The following SMYD3 variants were observed in gnomAD, a reference collection of about 807,000 sequenced individuals.
SMYD3 encodes the protein SET and MYND domain containing 3.
SMYD3 carries 36 observed loss-of-function variants against 57.7 expected under a neutral mutation model. The ratio of observed to expected loss-of-function variants is 0.62; its 90% CI spans 0.48 to 0.82. SMYD3 has a LOEUF of 0.82. SMYD3 is among the 40% of genes least tolerant of loss of function. The probability of loss-of-function intolerance (pLI) is 0.00; values close to 1 mark genes in which losing one functional copy is unlikely to be tolerated. For missense variants in SMYD3, 515 were observed against 538.8 expected, an observed-to-expected ratio of 0.96 and a Z score of 0.44; for synonymous variants, 211 against 195.0, an observed-to-expected ratio of 1.08 and a Z score of -0.68.
chr1:245,816,795 C>T (rs199580577), intron 10 of SMYD3, among the ~76,000 whole-genome samples: 9 of 152,108 alleles, frequency 5.9e-5, no homozygotes, highest in Non-Finnish European at 1.0e-4. Flanking sequence ...ACGGACGCAC[C>T]TGGAAAATCG....
rs141343783 is a variant in SMYD3, at chr1:245,856,488, G to A, written c.1076+2008C>T. ...AAACACCATGTAAATATAACCAAACGTTTCCCAAACATAATGGACTGTATT... is the reference window on the plus strand; with the variant it reads ...AAACACCATGTAAATATAACCAAACATTTCCCAAACATAATGGACTGTATT... On this transcript the variant is annotated intron_variant, in intron 10 of 11. Coordinates refer to ENST00000490107, the MANE Select transcript of SMYD3 (RefSeq NM_001167740.2). 2.9e-3 allele frequency among the ~76,000 whole-genome samples: 442 copies of A among 152,244 alleles called. 2 individuals carry two copies. Among genetic ancestry groups the A allele is most frequent in the African/African-American group, 0.01 (418 of 41,550 alleles).
At chr1:246,475,114 C>T (rs778810174) in intron 1 of SMYD3, among the ~76,000 whole-genome samples, 3 of 151,882 alleles carry the variant, frequency 2.0e-5, no homozygotes, top group Non-Finnish European at 2.9e-5. Flanking sequence ...GCCAGGAGTT[C>T]GTGACCACCC....
intron 1 of SMYD3, among the ~76,000 whole-genome samples, chr1:246,393,576 T>A (rs2066605490): frequency 6.7e-6 from 1 of 149,100 alleles, no homozygotes; most frequent in South Asian, 2.1e-4. Context: ...TAGTGGCTCA[T>A]ACCTATAATC....
At chr1:246,029,533 G>A (rs919968077) in intron 5 of SMYD3, among the ~76,000 whole-genome samples, 12 of 151,706 alleles carry the variant, frequency 7.9e-5, no homozygotes, top group Non-Finnish European at 1.5e-4. Context: ...TTAGCCAGGC[G>A]TGGTGACACA....
At chr1:246,399,024 C>T (rs1558444956) in intron 1 of SMYD3, among the ~76,000 whole-genome samples, 3 of 151,930 alleles carry the variant, frequency 2.0e-5, no homozygotes, top group Admixed American at 1.3e-4. Flanking sequence ...TTTATTTTAT[C>T]TTATTTATTT....
intron 1 of SMYD3, among the ~76,000 whole-genome samples, chr1:246,408,015 T>G (rs920081918): frequency 3.9e-5 from 6 of 151,960 alleles, no homozygotes; most frequent in Non-Finnish European, 7.4e-5. Context: ...TGTTGCTGTG[T>G]GTCCTCACTT....
intron 5 of SMYD3, among the ~76,000 whole-genome samples, chr1:246,051,678 T>G (rs1462798814): frequency 6.6e-6 from 1 of 152,152 alleles, no homozygotes; most frequent in Non-Finnish European, 1.5e-5. Flanking sequence ...AAATGTAATT[T>G]CATTTCTTTT....
At chr1:246,164,238 T>C (rs1210622189) in intron 5 of SMYD3, among the ~76,000 whole-genome samples, 3 of 152,078 alleles carry the variant, frequency 2.0e-5, no homozygotes, top group Non-Finnish European at 4.4e-5. Context: ...CTGGCCAATA[T>C]GGTGAAACCC....
rs749022916 is a variant in SMYD3, at chr1:246,054,873, T to TAAAAA, written c.532-124941_532-124937dup. 1.4e-3 allele frequency among the ~76,000 whole-genome samples: 112 copies of TAAAAA among 79,114 alleles called. 1 individual carries two copies. The highest frequency in any genetic ancestry group is 0.017 in the Middle Eastern group (2 of 120). 51.9% of individuals were successfully genotyped at this position (79,114 alleles called of 152,430 possible). On this transcript the variant is annotated intron_variant, in intron 5 of 11. Transcript: ENST00000490107. ...ACCTTAACACTCATTAGGATGACTA[T>TAAAAA]AAAAAAAAAAAAAAAAAAAAGGCCA...
At chr1:245,958,714 A>G (rs371430049) in intron 5 of SMYD3, among the ~76,000 whole-genome samples, 27 of 152,278 alleles carry the variant, frequency 1.8e-4, no homozygotes, top group East Asian at 1.5e-3. Flanking sequence ...ATTTTATCCT[A>G]CTTTGTATCT....
At chr1:246,273,236 G>A (rs2064263052) in intron 5 of SMYD3, among the ~76,000 whole-genome samples, 2 of 140,388 alleles carry the variant, frequency 1.4e-5, no homozygotes, top group Non-Finnish European at 3.0e-5. Context: ...TACAGCCTCC[G>A]CCTCCCGGGT....
chr1:245,785,427 G>A (rs2148156713), intron 10 of SMYD3, among the ~76,000 whole-genome samples: 1 of 152,282 alleles, frequency 6.6e-6, no homozygotes, highest in African/African-American at 2.4e-5. Flanking sequence ...TCACATGGAA[G>A]GTTCTATTAT....
At chr1:245,967,373 A>G (rs747319970) in intron 5 of SMYD3, among the ~76,000 whole-genome samples, 1 of 152,210 alleles carries the variant, frequency 6.6e-6, no homozygotes, top group Non-Finnish European at 1.5e-5. Context: ...TAAATTCAAA[A>G]TCCTAAATTT....
Position 245,833,071 on chromosome 1 carries a change from A to AC in SMYD3, c.1076+25424_1076+25425insG, listed in dbSNP as rs1558400885. 1.5e-4 allele frequency among the ~76,000 whole-genome samples: 16 copies of AC among 105,850 alleles called. 1 individual carries two copies. The highest frequency in any genetic ancestry group is 3.1e-4 in the South Asian group (1 of 3,220). The allele number at this position is 105,850 out of a possible 152,430, so 69.4% of individuals were successfully genotyped here. A position where few individuals can be genotyped will look rare whatever the true frequency, so the allele number is the denominator to read the frequency against. ...CCGGAATATGTGACAAAAAAAAAAAAAAAACCTGCTTTTATAATGCTGATT... is the reference window on the plus strand; with the variant it reads ...CCGGAATATGTGACAAAAAAAAAAAACAAAACCTGCTTTTATAATGCTGATT... On this transcript the variant is annotated intron_variant, in intron 10 of 11. Coordinates refer to ENST00000490107, the MANE Select transcript of SMYD3 (RefSeq NM_001167740.2).
chr1:246,015,775 T>C (rs894603002), intron 5 of SMYD3, among the ~76,000 whole-genome samples: 2 of 152,240 alleles, frequency 1.3e-5, no homozygotes, highest in African/African-American at 4.8e-5. Context: ...GTTTCCTTTC[T>C]AAGGCTGAAT....
chr1:245,766,827 G>A (rs916757467), intron 10 of SMYD3, among the ~76,000 whole-genome samples: 4 of 152,128 alleles, frequency 2.6e-5, no homozygotes, highest in Non-Finnish European at 5.9e-5. Flanking sequence ...GTGTCATTAC[G>A]CCATGACAGG....
At chr1:246,224,746 T>C (rs1041687050) in intron 5 of SMYD3, among the ~76,000 whole-genome samples, 1 of 152,188 alleles carries the variant, frequency 6.6e-6, no homozygotes, top group Middle Eastern at 3.4e-3. Flanking sequence ...TTTAGACATA[T>C]TTTAAAGAAA....
chr1:246,068,339 A>C (rs1014532547), intron 5 of SMYD3, among the ~76,000 whole-genome samples: 1 of 151,902 alleles, frequency 6.6e-6, no homozygotes, highest in African/African-American at 2.4e-5. Context: ...TTTCACTGCC[A>C]CCTCTGTTAA....
chr1:245,946,633 T>C (rs926908103), intron 5 of SMYD3, among the ~76,000 whole-genome samples: 1 of 152,146 alleles, frequency 6.6e-6, no homozygotes, highest in Non-Finnish European at 1.5e-5. Flanking sequence ...AACTCAGTTA[T>C]GAAGGAAGTA....
Sources: gnomAD v4.1 joint callset for allele counts (sites outside exome capture counted in the v4.1 genomes callset) on GRCh38, gnomAD v4.1.1 for gene constraint, MANE v1.5 for transcripts, NCBI Gene and HGNC (gene_info 2026-07-23, HGNC 2026-07-21) for gene names.